Variants in CCSER1 observed in about 807,000 individuals in gnomAD.
CCSER1 encodes serine-rich coiled-coil domain-containing protein 1.
CCSER1 carries 41 observed loss-of-function variants against 82.0 expected under a neutral mutation model. The observed-to-expected ratio is 0.50, with a 90% CI of 0.39 to 0.65. The LOEUF (loss-of-function observed/expected upper bound fraction) is 0.65. Among genes scored for constraint, CCSER1 ranks in the 30% least tolerant of loss-of-function variants. CCSER1 has a pLI of 0.00. For missense variants in CCSER1, 1,119 were observed against 1,064.2 expected (o/e 1.05, Z -0.72); for synonymous variants, 414 against 383.9 (o/e 1.08, Z -0.92).
At chr4:90,362,461 A>C (rs1231291765) in intron 3 of CCSER1, among the ~76,000 whole-genome samples, 2 of 152,224 alleles carry the variant, frequency 1.3e-5, no homozygotes, top group Non-Finnish European at 2.9e-5. Context: ...AGAAGCATTA[A>C]TCAATACATA....
Position 90,880,708 on chromosome 4 carries a change from A to C in CCSER1, c.2095-42662A>C, listed in dbSNP as rs535100470. On this transcript the variant is annotated intron_variant, in intron 8 of 10. Transcript: ENST00000509176. ...TGAGGAAATGTGGGCACCAATGTAC[A>C]TCTGGCCACTTTTCTGTAGGGCTGC... is the stretch of plus-strand genomic sequence containing the variant. 2.0e-5 allele frequency among the ~76,000 whole-genome samples: 3 copies of C among 152,252 alleles called. No individual in the cohort carries two copies. In the South Asian group the frequency reaches 6.2e-4, roughly 32 times the overall value.
intron 10 of CCSER1, among the ~76,000 whole-genome samples, chr4:91,119,616 A>G (rs1027701464): frequency 6.6e-6 from 1 of 152,002 alleles, no homozygotes; most frequent in Non-Finnish European, 1.5e-5. Flanking sequence ...CTGAGAAGTC[A>G]TTTGTACTGA....
In CCSER1 at chr4:91,261,315, G is replaced by C. The variant is rs187192852; in HGVS notation, c.2217+175321G>C. On this transcript the variant is annotated intron_variant, in intron 10 of 10. Coordinates refer to ENST00000509176, the MANE Select transcript of CCSER1 (RefSeq NM_001145065.2). ...ACACCTAGCATTAGCTTTGACTGTC[G>C]ATCAAGTTCTTAGGTCAATTCCAAA... Among the ~76,000 whole-genome samples, 390 of 152,220 alleles carry C rather than the reference G, an allele frequency of 2.6e-3. 1 individual carries two copies. The highest frequency in any genetic ancestry group is 3.9e-3 in the Admixed American group (59 of 15,294).
chr4:91,299,965 A>G (rs1376103670), intron 10 of CCSER1, among the ~76,000 whole-genome samples: 1 of 151,894 alleles, frequency 6.6e-6, no homozygotes. Flanking sequence ...AAACACACAC[A>G]AAAAAACAAA....
chr4:90,928,371 T>C (rs1001929080), intron 9 of CCSER1, among the ~76,000 whole-genome samples: 5 of 152,088 alleles, frequency 3.3e-5, no homozygotes, highest in African/African-American at 1.2e-4. Context: ...GGCATCACTT[T>C]TGAAAATTTA....
chr4:91,322,264 CAG>C (rs906390023), intron 10 of CCSER1, among the ~76,000 whole-genome samples: 1 of 152,038 alleles, frequency 6.6e-6, no homozygotes, highest in African/African-American at 2.4e-5. Context: ...TGTCCCTTGA[CAG>C]AGAGAGGTGA....
intron 1 of CCSER1, among the ~76,000 whole-genome samples, chr4:90,241,453 A>G (rs1185938002): frequency 6.6e-6 from 1 of 152,204 alleles, no homozygotes; most frequent in Non-Finnish European, 1.5e-5. Flanking sequence ...CTAGATGGTA[A>G]ATCATTCACA....
At chr4:90,488,846 C>A (rs1326350166) in intron 5 of CCSER1, among the ~76,000 whole-genome samples, 1 of 152,068 alleles carries the variant, frequency 6.6e-6, no homozygotes, top group African/African-American at 2.4e-5. Flanking sequence ...TTAGAACCAT[C>A]AATTAATGTA....
intron 10 of CCSER1, among the ~76,000 whole-genome samples, chr4:91,427,529 T>C (rs1023612167): frequency 6.6e-6 from 1 of 152,078 alleles, no homozygotes; most frequent in Non-Finnish European, 1.5e-5. Context: ...GTTTAGGATA[T>C]ACAATGGAGA....
intron 10 of CCSER1, among the ~76,000 whole-genome samples, chr4:91,438,283 A>T (rs2149401610): frequency 6.6e-6 from 1 of 152,236 alleles, no homozygotes; most frequent in East Asian, 1.9e-4. Flanking sequence ...TCTGAGACAA[A>T]ACTTCTAGAG....
intron 10 of CCSER1, among the ~76,000 whole-genome samples, chr4:91,217,183 A>G (rs1041239005): frequency 6.6e-6 from 1 of 152,180 alleles, no homozygotes; most frequent in Non-Finnish European, 1.5e-5. Context: ...AAGAGTAAGC[A>G]GTAGCAAGAG....
chr4:90,682,256 T>C (rs1734027172), intron 6 of CCSER1, among the ~76,000 whole-genome samples: 1 of 151,432 alleles, frequency 6.6e-6, no homozygotes, highest in South Asian at 2.1e-4. Flanking sequence ...ATTGTGCTCA[T>C]ACCCTATTAA....
intron 7 of CCSER1, among the ~76,000 whole-genome samples, chr4:90,796,439 C>T (rs1482552089): frequency 6.8e-6 from 1 of 145,986 alleles, no homozygotes; most frequent in African/African-American, 2.5e-5. Flanking sequence ...AAAAAAACAG[C>T]TCTTGGATTT....
rs749081722 is a variant in CCSER1, at chr4:90,663,806, C to T, written c.1932+35574C>T. On this transcript the variant is annotated intron_variant, in intron 6 of 10. Transcript: ENST00000509176. Reference sequence around the variant, plus strand: ...TTAGCTATTAGTTCCATCTGTATGACCAAAATAGAGAGTAATTGTGTGTTA... The same window carrying T: ...TTAGCTATTAGTTCCATCTGTATGATCAAAATAGAGAGTAATTGTGTGTTA... 3.5e-5 allele frequency: 9 copies of T among 259,804 alleles called. 1 individual carries two copies. The highest frequency in any genetic ancestry group is 6.8e-5 in the Non-Finnish European group (8 of 118,012). The allele number at this position is 259,804 out of a possible 1,614,324, so 16.1% of individuals were successfully genotyped here.
intron 4 of CCSER1, among the ~76,000 whole-genome samples, chr4:90,451,407 A>G (rs1761441406): frequency 6.6e-6 from 1 of 152,060 alleles, no homozygotes; most frequent in Non-Finnish European, 1.5e-5. Flanking sequence ...TTCCAGGGGG[A>G]CACGCCATTG....
At chr4:90,665,867 G>A (rs1342676519) in intron 6 of CCSER1, among the ~76,000 whole-genome samples, 1 of 152,140 alleles carries the variant, frequency 6.6e-6, no homozygotes, top group East Asian at 1.9e-4. Flanking sequence ...CAAGGTGTTG[G>A]CAGTTTGGGC....
intron 10 of CCSER1, among the ~76,000 whole-genome samples, chr4:91,441,824 AT>A (rs1755175827): frequency 7.5e-6 from 1 of 134,216 alleles, no homozygotes; most frequent in Admixed American, 7.8e-5. Context: ...TTATACACCA[AT>A]AACAGACACA....
In CCSER1 at chr4:91,599,879, A is replaced by G. The variant is rs1560793129; in HGVS notation, c.*822A>G. On this transcript the variant is annotated 3_prime_UTR_variant, in exon 11 of 11. Transcript: ENST00000509176. ...ATGCTATATTCTTTGAGCCACTGTC[A>G]TGGCAATATAAACATTTTTTCAAAA... 1 of 152,200 alleles carries G rather than the reference A, an allele frequency of 6.6e-6. No individual in the cohort carries two copies. The highest frequency in any genetic ancestry group is 1.5e-5 in the Non-Finnish European group (1 of 68,014). The allele number at this position is 152,200 out of a possible 1,614,324, so 9.4% of individuals were successfully genotyped here.
intron 7 of CCSER1, among the ~76,000 whole-genome samples, chr4:90,743,163 C>A (rs1746831876): frequency 1.3e-5 from 2 of 152,156 alleles, no homozygotes; most frequent in South Asian, 4.1e-4. Context: ...TAATGAATAC[C>A]ACTTTAAAAT....
Sources: gnomAD v4.1 joint callset for allele counts (sites outside exome capture counted in the v4.1 genomes callset) on GRCh38, gnomAD v4.1.1 for gene constraint, MANE v1.5 for transcripts, NCBI Gene and HGNC (gene_info 2026-07-23, HGNC 2026-07-21) for gene names.